Variants in KLB observed in about 807,000 individuals in gnomAD.
The protein encoded by KLB is klotho beta.
Under a neutral mutation model 88.4 loss-of-function variants are expected in KLB, and 44 were observed. That is an observed-to-expected ratio of 0.50 (90% CI 0.39 to 0.64). The LOEUF (loss-of-function observed/expected upper bound fraction) is 0.64, where lower values mean the gene tolerates loss of function less well. KLB is among the 30% of genes least tolerant of loss of function. The probability of loss-of-function intolerance (pLI) is 0.00; values close to 1 mark genes in which losing one functional copy is unlikely to be tolerated. For synonymous variants in KLB, 548 were observed against 513.4 expected (o/e 1.07, Z -0.91); for missense variants, 1,137 against 1,304.8 (o/e 0.87, Z 1.98).
chr4:39,429,350 C>T (rs1743289003), intron 1 of KLB, among the ~76,000 whole-genome samples: 1 of 152,190 alleles, frequency 6.6e-6, no homozygotes, highest in Non-Finnish European at 1.5e-5. Flanking sequence ...CTCCTAATCC[C>T]TTCTTCATCT....
intron 1 of KLB, among the ~76,000 whole-genome samples, chr4:39,411,336 GA>G (rs1742839575): frequency 1.0e-4 from 5 of 50,196 alleles, no homozygotes; most frequent in South Asian, 1.4e-3. Flanking sequence ...GTTTTGTTTT[GA>G]TTTTTTTTTT....
At chr4:39,426,284 G>C (rs1009397039) in intron 1 of KLB, among the ~76,000 whole-genome samples, 2 of 151,084 alleles carry the variant, frequency 1.3e-5, no homozygotes, top group African/African-American at 4.9e-5. Flanking sequence ...GTGTGGTGGT[G>C]CATGCTTATA....
At chr4:39,445,455 C>T (rs983248770) in intron 3 of KLB, among the ~76,000 whole-genome samples, 19 of 150,958 alleles carry the variant, frequency 1.3e-4, no homozygotes, top group African/African-American at 3.9e-4. Flanking sequence ...GCACATGGGT[C>T]GGGGAGACAT....
chr4:39,416,405 A>C (rs1181263640), intron 1 of KLB, among the ~76,000 whole-genome samples: 1 of 150,944 alleles, frequency 6.6e-6, no homozygotes, highest in Admixed American at 6.6e-5. Context: ...CAAGAAACTA[A>C]AAAAAACTTT....
At position 39,420,154 on chromosome 4, in the gene KLB, G is replaced by A. The variant is rs561207088; in HGVS notation, c.825+12380G>A. Among the ~76,000 whole-genome samples, 31 of 152,078 alleles carry A rather than the reference G, an allele frequency of 2.0e-4. 1 individual carries two copies. The East Asian group carries it at 3.7e-3, about 18-fold the overall frequency. ...TAGTGTTACTTGAAAATGTTTCTGGGTAACCCTGAGGTTGGTGAAAGCCAG... is the reference window on the plus strand; with the variant it reads ...TAGTGTTACTTGAAAATGTTTCTGGATAACCCTGAGGTTGGTGAAAGCCAG... On this transcript the variant is annotated intron_variant, in intron 1 of 4. Transcript: ENST00000257408.
chr4:39,432,655 G>A (rs188354621), intron 1 of KLB, among the ~76,000 whole-genome samples: 2 of 152,074 alleles, frequency 1.3e-5, no homozygotes, highest in East Asian at 3.9e-4. Flanking sequence ...CTCAGCCCAG[G>A]GCAAGCCAGG....
intron 1 of KLB, among the ~76,000 whole-genome samples, chr4:39,417,392 G>C (rs772248471): frequency 3.3e-5 from 5 of 152,044 alleles, no homozygotes; most frequent in Non-Finnish European, 5.9e-5. Flanking sequence ...TCAGCTCACC[G>C]TAACCTCAGC....
In KLB at chr4:39,407,045, C is replaced by G; in HGVS notation, c.96C>G (p.Asn32Lys). The G allele has an allele frequency of 6.2e-7, 1 of 1,613,888 alleles. No homozygotes were observed. The highest frequency in any genetic ancestry group is 1.1e-5 in the South Asian group (1 of 91,074). Reference protein sequence around the residue: ...ITTRYRNTMSNGGLQRSVILS... With the variant: ...ITTRYRNTMSKGGLQRSVILS... ...CACGCTATAGGAATACAATGTCCAA[C>G]GGGGGATTGCAAAGATCTGTCATCC... Residue 32 changes from asparagine (N) to lysine (K), a missense_variant, in exon 1 of 5, where the codon AAC (asparagine) becomes AAG (lysine). Physicochemically the swap from Asn to Lys is moderately conservative, Grantham distance 94 (BLOSUM62 0). Transcript: ENST00000257408.
intron 1 of KLB, among the ~76,000 whole-genome samples, chr4:39,411,672 A>G (rs1294625034): frequency 5.3e-5 from 8 of 151,612 alleles, no homozygotes; most frequent in Admixed American, 3.9e-4. Context: ...GGTGTGAGCC[A>G]CTGCTCCTGG....
At chr4:39,436,910 A>G (rs774126886) in intron 2 of KLB, among the ~76,000 whole-genome samples, 7 of 152,002 alleles carry the variant, frequency 4.6e-5, no homozygotes, top group Admixed American at 2.6e-4. Context: ...AGGCTTCACT[A>G]TGTTGCCCAG....
At chr4:39,424,693 GCT>G (rs1743162226) in intron 1 of KLB, among the ~76,000 whole-genome samples, 1 of 148,584 alleles carries the variant, frequency 6.7e-6, no homozygotes, top group Non-Finnish European at 1.5e-5. Flanking sequence ...GTGCAGTGGC[GCT>G]ATCTCGGCTC....
At chr4:39,441,282 T>C (rs1049601982) in intron 3 of KLB, among the ~76,000 whole-genome samples, 1 of 152,214 alleles carries the variant, frequency 6.6e-6, no homozygotes, top group Non-Finnish European at 1.5e-5. Flanking sequence ...TTCCTACCTC[T>C]TCCTTCACAT....
At chr4:39,436,515 T>C (rs1743475768) in intron 2 of KLB, among the ~76,000 whole-genome samples, 1 of 152,106 alleles carries the variant, frequency 6.6e-6, no homozygotes, top group Non-Finnish European at 1.5e-5. Flanking sequence ...CTGTTAAACA[T>C]ATTTATCTTC....
At chr4:39,429,063 A>G (rs1743282187) in intron 1 of KLB, among the ~76,000 whole-genome samples, 1 of 152,220 alleles carries the variant, frequency 6.6e-6, no homozygotes, top group Non-Finnish European at 1.5e-5. Flanking sequence ...GGAACACAGA[A>G]ATATAAACCT....
intron 3 of KLB, among the ~76,000 whole-genome samples, chr4:39,441,233 C>CTT (rs1743590612): frequency 6.6e-6 from 1 of 152,176 alleles, no homozygotes; most frequent in East Asian, 1.9e-4. Flanking sequence ...GCAGAATAAA[C>CTT]AGTGTCTCAT....
rs371635643 is a variant in KLB at position 39,434,367 on chromosome 4, G to C, written c.983G>C (p.Gly328Ala). The C allele has an allele frequency of 1.2e-4, 198 of 1,614,016 alleles. No homozygotes were observed. Among genetic ancestry groups the C allele is most frequent in the Non-Finnish European group, 1.6e-4 (189 of 1,180,046 alleles). ...CAACAATCCATGGTTTCTGTGCTTG[G>C]ATGGTTTGCCAACCCTATCCATGGG... ...KCQQSMVSVL[G>A]WFANPIHGDG... Residue 328 changes from glycine to alanine, a missense_variant, in exon 2 of 5, where the codon GGA (glycine) becomes GCA (alanine). This residue lies in a region of KLB where 597 missense variants were observed against 765.2 expected (regional missense o/e 0.78). Coordinates refer to ENST00000257408, the MANE Select transcript of KLB (RefSeq NM_175737.4).
rs1424347947 is a variant in KLB at position 39,448,705 on chromosome 4, T to C, written c.*19T>C. 4 of 1,587,354 alleles carry C rather than the reference T, an allele frequency of 2.5e-6. No homozygotes were observed. The highest frequency in any genetic ancestry group is 1.7e-5 in the Admixed American group (1 of 57,444). Reference sequence around the variant, plus strand: ...TAGCTAAACTGATCTGTCTGCATGATAGACAGTTTAAAAATTCATCCCAGT... The same window carrying C: ...TAGCTAAACTGATCTGTCTGCATGACAGACAGTTTAAAAATTCATCCCAGT... On this transcript the variant is annotated 3_prime_UTR_variant, in exon 5 of 5. Transcript: ENST00000257408.
Position 39,407,122 on chromosome 4 carries a change from G to C in KLB, c.173G>C (p.Arg58Thr). 1 of 1,614,134 alleles carries C rather than the reference G, an allele frequency of 6.2e-7. No homozygotes were observed. The highest frequency in any genetic ancestry group is 1.1e-5 in the South Asian group (1 of 91,076). Residue 58 changes from arginine to threonine, a missense_variant, in exon 1 of 5, where the codon AGA (arginine) becomes ACA (threonine). Arg to Thr is a moderately conservative substitution (Grantham distance 71). Transcript: ENST00000257408. ...RAVTGFSGDG[R>T]AIWSKNPNFT... ...GTTACTGGATTCTCTGGAGATGGAA[G>C]AGCTATATGGTCTAAAAATCCTAAT...
chr4:39,433,389 T>A (rs1339009976), intron 1 of KLB, among the ~76,000 whole-genome samples: 1 of 152,228 alleles, frequency 6.6e-6, no homozygotes, highest in Non-Finnish European at 1.5e-5. Flanking sequence ...AAGGCTTATA[T>A]AGAGCTTACT....
Sources: allele counts gnomAD v4.1 joint callset (sites outside exome capture counted in the v4.1 genomes callset), GRCh38; gene constraint gnomAD v4.1.1; regional missense constraint gnomAD v4.1.1; transcripts MANE v1.5; gene names NCBI Gene and HGNC (gene_info 2026-07-23, HGNC 2026-07-21).